Variants in EDA observed in about 807,000 individuals in gnomAD.
The protein encoded by EDA is ectodysplasin A, also known as ectodysplasin-A.
Under a neutral mutation model 23.6 loss-of-function variants are expected in EDA, and 2 were observed. The observed-to-expected ratio is 0.08, with a 90% CI of 0.03 to 0.27. The LOEUF is 0.27. EDA is among the 10% of genes least tolerant of loss of function. The probability of loss-of-function intolerance (pLI) is 1.00; values close to 1 mark genes in which losing one functional copy is unlikely to be tolerated. For synonymous variants in EDA, 131 were observed against 132.0 expected, an observed-to-expected ratio of 0.99 and a Z score of 0.05; for missense variants, 229 against 324.2, an observed-to-expected ratio of 0.71 and a Z score of 2.26.
chrX:69,956,271 T>TTTTCTTTCTTTCTTTCTTTC (rs533655797), intron 1 of EDA, among the ~76,000 whole-genome samples: 2 of 81,230 alleles, frequency 2.5e-5, no homozygotes, highest in African/African-American at 8.2e-5. Flanking sequence ...AAATTCAAGG[T>TTTTCTTTCTTTCTTTCTTTC]TTTCTTTCTT....
intron 1 of EDA, among the ~76,000 whole-genome samples, chrX:69,835,138 C>G (rs1254503161): frequency 1.3e-5 from 1 of 78,244 alleles, no homozygotes; most frequent in African/African-American, 4.4e-5. Flanking sequence ...CTCTGGCTGC[C>G]CTTAACACTT....
intron 1 of EDA, among the ~76,000 whole-genome samples, chrX:69,681,757 T>G (rs1025040288): frequency 9.0e-6 from 1 of 111,130 alleles, no homozygotes; most frequent in African/African-American, 3.3e-5. Flanking sequence ...CTTCTTTGCC[T>G]TTGTTTTGAA....
chrX:69,756,588 A>G (rs2147402450), intron 1 of EDA, among the ~76,000 whole-genome samples: 1 of 111,826 alleles, frequency 8.9e-6, no homozygotes, highest in East Asian at 2.8e-4. Context: ...TGAATATCTT[A>G]TTTTTTAAGG....
At chrX:69,765,611 A>T (rs2014447218) in intron 1 of EDA, among the ~76,000 whole-genome samples, 2 of 112,088 alleles carry the variant, frequency 1.8e-5, no homozygotes, top group Admixed American at 9.5e-5. Context: ...TATTTTAAAC[A>T]TAACTTTTTA....
At chrX:69,753,895 A>G (rs1454188711) in intron 1 of EDA, among the ~76,000 whole-genome samples, 2 of 31,818 alleles carry the variant, frequency 6.3e-5, no homozygotes, top group African/African-American at 2.8e-4. Context: ...TAGGATTGCA[A>G]TCCCTGCTTT....
At position 69,800,404 on chromosome X, in the gene EDA, T is replaced by C. The variant is rs1016026431; in HGVS notation, c.397-156623T>C. On this transcript the variant is annotated intron_variant, in intron 1 of 7. Transcript: ENST00000374552. Reference sequence around the variant, plus strand: ...GAGGACTTGAAGTGTACCCAACACATAGAAATGATTAATACATGGGTAATG... The same window carrying C: ...GAGGACTTGAAGTGTACCCAACACACAGAAATGATTAATACATGGGTAATG... Among the ~76,000 whole-genome samples the C allele has an allele frequency of 4.5e-5, 5 of 111,921 alleles. No homozygotes were observed. The Admixed American group carries it at 4.7e-4, about 11-fold the overall frequency.
chrX:69,979,902 ATTTT>A (rs780291107), intron 2 of EDA, among the ~76,000 whole-genome samples: 1 of 109,408 alleles, frequency 9.1e-6, no homozygotes, highest in African/African-American at 3.3e-5. Flanking sequence ...CAATTCATCT[ATTTT>A]TTTTCTTTTA....
At chrX:69,622,093 C>T (rs1932205887) in intron 1 of EDA, among the ~76,000 whole-genome samples, 1 of 111,173 alleles carries the variant, frequency 9.0e-6, no homozygotes, top group African/African-American at 3.3e-5. Context: ...TTTCGTTGCT[C>T]GAATATACCA....
At chrX:69,942,732 C>A (rs966484135) in intron 1 of EDA, among the ~76,000 whole-genome samples, 1 of 111,192 alleles carries the variant, frequency 9.0e-6, no homozygotes, top group Non-Finnish European at 1.9e-5. Context: ...AATATGGATA[C>A]CTTTCTCCAG....
At position 69,978,876 on chromosome X, in the gene EDA, T is replaced by C. The variant is rs184579852; in HGVS notation, c.502+21744T>C. On this transcript the variant is annotated intron_variant, in intron 2 of 7. Coordinates refer to ENST00000374552, the MANE Select transcript of EDA (RefSeq NM_001399.5). ...TCCAGGTTGTAACATATATCAATAC[T>C]TCATTCCTTTTTTATCATGGTAAAA... 5.6e-4 allele frequency among the ~76,000 whole-genome samples: 63 copies of C among 112,018 alleles called. 1 individual carries two copies. The highest frequency in any genetic ancestry group is 4.8e-3 in the Admixed American group (51 of 10,549).
rs1301485954 is a variant in EDA, at chrX:69,616,419, G to C, written c.111G>C (p.Gly37=). 1 of 1,211,135 alleles carries C rather than the reference G, an allele frequency of 8.3e-7. No individual in the cohort carries two copies. Among genetic ancestry groups the C allele is most frequent in the Non-Finnish European group, 1.1e-6 (1 of 895,406 alleles). ...CGGAPARAGE[G]NSCLLFLGFF... ...GGGCCCCTGCCCGGGCGGGCGAAGG[G>C]AACAGCTGCCTGCTCTTCCTGGGTT... is the stretch of plus-strand genomic sequence containing the variant. The change falls in exon 1 of 8, where the codon GGG becomes GGC. Residue 37 remains glycine (G), a synonymous_variant. Transcript: ENST00000374552.
At chrX:69,951,718 G>A (rs1392264785) in intron 1 of EDA, among the ~76,000 whole-genome samples, 1 of 111,974 alleles carries the variant, frequency 8.9e-6, no homozygotes, top group Non-Finnish European at 1.9e-5. Context: ...AGAAGTGTCT[G>A]GAGAGTCACT....
At chrX:70,027,811 G>GA (rs1387744166) in intron 3 of EDA, 46 bp from the exon 4 acceptor site, 2 of 584,482 alleles carry the variant, frequency 3.4e-6, no homozygotes, top group Admixed American at 5.3e-5. Flanking sequence ...CAACAGAGCA[G>GA]GACTCCGTCT....
chrX:69,702,084 T>C (rs1193015798), intron 1 of EDA, among the ~76,000 whole-genome samples: 1 of 111,520 alleles, frequency 9.0e-6, no homozygotes, highest in Admixed American at 9.5e-5. Context: ...CTTCTGGAAA[T>C]GAACCAAGTC....
chrX:69,681,968 C>G (rs1229860325), intron 1 of EDA, among the ~76,000 whole-genome samples: 2 of 109,529 alleles, frequency 1.8e-5, no homozygotes, highest in African/African-American at 6.7e-5. Flanking sequence ...TACTTTTGGT[C>G]TTTGATGATC....
intron 1 of EDA, among the ~76,000 whole-genome samples, chrX:69,861,881 A>T (rs1214576214): frequency 8.9e-6 from 1 of 112,148 alleles, no homozygotes; most frequent in East Asian, 2.8e-4. Flanking sequence ...CAGGAGAAGA[A>T]ACTTCAATTC....
At chrX:69,855,435 T>C (rs1455189534) in intron 1 of EDA, among the ~76,000 whole-genome samples, 1 of 112,271 alleles carries the variant, frequency 8.9e-6, no homozygotes, top group African/African-American at 3.2e-5. Context: ...TTCCAGGGTT[T>C]GTGTAGTTTT....
At chrX:69,660,263 G>A (rs990370245) in intron 1 of EDA, among the ~76,000 whole-genome samples, 1 of 111,202 alleles carries the variant, frequency 9.0e-6, no homozygotes, top group African/African-American at 3.3e-5. Flanking sequence ...ACAGCCATCA[G>A]AGTTCTTTGT....
At chrX:69,617,520 G>T (rs1029245217) in intron 1 of EDA, among the ~76,000 whole-genome samples, 4 of 110,871 alleles carry the variant, frequency 3.6e-5, no homozygotes, top group Non-Finnish European at 7.6e-5. Flanking sequence ...AGTTTTGTTT[G>T]TTTTTGCAAT....
Sources: gnomAD v4.1 joint callset for allele counts (sites outside exome capture counted in the v4.1 genomes callset) on GRCh38, gnomAD v4.1.1 for gene constraint, MANE v1.5 for transcripts, NCBI Gene and HGNC (gene_info 2026-07-23, HGNC 2026-07-21) for gene names.